Variants in SHISAL1 observed in about 807,000 individuals in gnomAD.
SHISAL1 encodes shisa like 1, also known as protein shisa-like-1.
SHISAL1 carries 9 observed loss-of-function variants against 22.6 expected under a neutral mutation model. That is an observed-to-expected ratio of 0.40 (90% CI 0.24 to 0.70). The LOEUF is 0.70. Ranked by LOEUF, SHISAL1 falls within the 30% of genes least tolerant of loss-of-function variation. SHISAL1 has a pLI of 0.39. For synonymous variants in SHISAL1, 119 were observed against 115.4 expected, an observed-to-expected ratio of 1.03 and a Z score of -0.20; for missense variants, 246 against 270.6, an observed-to-expected ratio of 0.91 and a Z score of 0.64.
chr22:44,330,826 C>A, the SHISAL1 span, among the ~76,000 whole-genome samples: 1 of 152,146 alleles, frequency 6.6e-6, no homozygotes, highest in African/African-American at 2.4e-5. Context: ...CAGCCCCGGG[C>A]GCGGGATCAA....
At chr22:44,301,899 C>T (rs1285804208) in intron 1 of SHISAL1, among the ~76,000 whole-genome samples, 3 of 152,050 alleles carry the variant, frequency 2.0e-5, no homozygotes, top group African/African-American at 4.8e-5. Flanking sequence ...ATGGAAGATG[C>T]CAGGGGCTTG....
chr22:44,283,892 T>A (rs2055293544), intron 4 of SHISAL1, among the ~76,000 whole-genome samples: 1 of 152,080 alleles, frequency 6.6e-6, no homozygotes, highest in Non-Finnish European at 1.5e-5. Context: ...AGGATCCACA[T>A]TTCAGAACAC....
chr22:44,289,871 G>A (rs1223257885), intron 3 of SHISAL1, among the ~76,000 whole-genome samples: 2 of 152,240 alleles, frequency 1.3e-5, no homozygotes, highest in Non-Finnish European at 2.9e-5. Flanking sequence ...GTAAATGGCA[G>A]AAGATAAAAA....
Position 44,245,586 on chromosome 22 carries a change from T to C in SHISAL1, c.*4099A>G, listed in dbSNP as rs555518001. On this transcript the variant is annotated 3_prime_UTR_variant, in exon 5 of 5. Transcript: ENST00000381176. ...AGTCTCTAATAGACAGACATGGTGATTGTGAAAGCAGCCGAGCCAGCGGAG... is the reference window on the plus strand; with the variant it reads ...AGTCTCTAATAGACAGACATGGTGACTGTGAAAGCAGCCGAGCCAGCGGAG... 28 of 152,374 alleles carry C rather than the reference T, an allele frequency of 1.8e-4. No individual in the cohort carries two copies. The highest frequency in any genetic ancestry group is 6.7e-4 in the African/African-American group (28 of 41,562). 9.4% of individuals were successfully genotyped at this position (152,374 alleles called of 1,614,324 possible).
At chr22:44,328,988 C>T in the SHISAL1 span, among the ~76,000 whole-genome samples, 68,196 of 152,024 alleles carry the variant, frequency 0.45, 17,291 homozygotes, top group Non-Finnish European at 0.57. Context: ...AGCTGATTCA[C>T]GCCTGTCATT....
At chr22:44,259,152 G>A (rs2055104954) in intron 4 of SHISAL1, among the ~76,000 whole-genome samples, 1 of 152,148 alleles carries the variant, frequency 6.6e-6, no homozygotes, top group Non-Finnish European at 1.5e-5. Flanking sequence ...GGTAGAAACG[G>A]CCAGAAGCGG....
In SHISAL1 at chr22:44,300,995, C is replaced by A; in HGVS notation, c.-32-18G>T. On this transcript the variant is annotated intron_variant, in intron 1 of 4. Transcript: ENST00000381176. The stretch of plus-strand genomic sequence containing the variant: ...AGAGCTGCCTGTTCAATGAGAGCCA[C>A]GAGAGGCTGGGTGTGGGCTGTCTCG... 6.4e-7 allele frequency: 1 copy of A among 1,566,984 alleles called. No individual in the cohort carries two copies. Among genetic ancestry groups the A allele is most frequent in the South Asian group, 1.1e-5 (1 of 89,520 alleles).
intron 1 of SHISAL1, among the ~76,000 whole-genome samples, chr22:44,307,948 A>G (rs775866329): frequency 6.6e-6 from 1 of 152,116 alleles, no homozygotes; most frequent in Non-Finnish European, 1.5e-5. Flanking sequence ...GACCCCCTAC[A>G]GCACTGGGGG....
intron 1 of SHISAL1, among the ~76,000 whole-genome samples, chr22:44,302,430 A>G (rs892010195): frequency 1.3e-5 from 2 of 151,920 alleles, no homozygotes; most frequent in African/African-American, 4.9e-5. Context: ...AAAATTTTTA[A>G]TGTTACGAGG....
chr22:44,295,540 T>G (rs8138824), intron 3 of SHISAL1, among the ~76,000 whole-genome samples: 1,703 of 151,610 alleles, frequency 0.011, 32 homozygotes, highest in African/African-American at 0.038. Context: ...TGATAAAATG[T>G]GATTACATAA....
At chr22:44,312,339 C>T (rs2055525401) in intron 1 of SHISAL1, among the ~76,000 whole-genome samples, 1 of 152,204 alleles carries the variant, frequency 6.6e-6, no homozygotes, top group Non-Finnish European at 1.5e-5. Flanking sequence ...CAGGCCATGA[C>T]TAGGGCATCC....
intron 4 of SHISAL1, among the ~76,000 whole-genome samples, chr22:44,275,638 C>T (rs2055234501): frequency 1.3e-5 from 2 of 152,232 alleles, no homozygotes; most frequent in African/African-American, 2.4e-5. Context: ...AGACGTTGCT[C>T]TTCCCAGTAC....
At chr22:44,326,128 C>T in the SHISAL1 span, among the ~76,000 whole-genome samples, 180 of 152,140 alleles carry the variant, frequency 1.2e-3, no homozygotes, top group Non-Finnish European at 2.2e-3. Flanking sequence ...TCCAGCTGCA[C>T]ACGTACAATT....
intron 3 of SHISAL1, among the ~76,000 whole-genome samples, chr22:44,287,641 G>A (rs891604982): frequency 2.6e-5 from 4 of 152,154 alleles, no homozygotes; most frequent in African/African-American, 7.2e-5. Context: ...AGGCCCCAGC[G>A]GCCTTATGTT....
chr22:44,311,387 T>C (rs1294150250), intron 1 of SHISAL1, among the ~76,000 whole-genome samples: 1 of 152,186 alleles, frequency 6.6e-6, no homozygotes, highest in African/African-American at 2.4e-5. Context: ...CCTCCCTCAG[T>C]GGATAACCAT....
chr22:44,280,255 G>T (rs750846090), intron 4 of SHISAL1, among the ~76,000 whole-genome samples: 1 of 152,154 alleles, frequency 6.6e-6, no homozygotes, highest in Non-Finnish European at 1.5e-5. Context: ...GCAGTGAGGT[G>T]GGGGGAGGCT....
intron 4 of SHISAL1, among the ~76,000 whole-genome samples, chr22:44,265,744 C>A (rs1288680717): frequency 1.3e-5 from 2 of 152,190 alleles, no homozygotes; most frequent in Non-Finnish European, 2.9e-5. Context: ...TCTGGACATC[C>A]CTCTACTCTA....
intron 3 of SHISAL1, among the ~76,000 whole-genome samples, chr22:44,287,413 G>C (rs1406825002): frequency 6.6e-6 from 1 of 152,190 alleles, no homozygotes; most frequent in East Asian, 1.9e-4. Context: ...TGCTGCTCGG[G>C]TGCCTGGGAG....
At chr22:44,275,254 C>T (rs1329406380) in intron 4 of SHISAL1, among the ~76,000 whole-genome samples, 1 of 152,180 alleles carries the variant, frequency 6.6e-6, no homozygotes, top group African/African-American at 2.4e-5. Flanking sequence ...CTGGGAAAGA[C>T]CTTCACAAAT....
Sources: allele counts gnomAD v4.1 joint callset (sites outside exome capture counted in the v4.1 genomes callset), GRCh38; gene constraint gnomAD v4.1.1; transcripts MANE v1.5; gene names NCBI Gene and HGNC (gene_info 2026-07-23, HGNC 2026-07-21).